Variants in NUDT3 observed in about 807,000 individuals in gnomAD.
NUDT3 encodes diphosphoinositol polyphosphate phosphohydrolase 1.
In NUDT3, 9 loss-of-function variants were observed where a neutral mutation model predicts 23.6. That is an observed-to-expected ratio of 0.38 (90% CI 0.23 to 0.66). The LOEUF is 0.66. NUDT3 is among the 30% of genes least tolerant of loss of function. NUDT3 has a pLI of 0.52. For missense variants in NUDT3, 172 were observed against 218.5 expected (o/e 0.79, Z 1.34); for synonymous variants, 86 against 82.6 (o/e 1.04, Z -0.22).
intron 1 of NUDT3, among the ~76,000 whole-genome samples, chr6:34,359,993 C>T (rs1764621691): frequency 6.6e-6 from 1 of 152,048 alleles, no homozygotes; most frequent in Non-Finnish European, 1.5e-5. Context: ...CGCTGGGAGG[C>T]TGAAGTGAGC....
chr6:34,360,237 C>CA (rs34629409), intron 1 of NUDT3, among the ~76,000 whole-genome samples: 5,849 of 49,984 alleles, frequency 0.12, 581 homozygotes, highest in African/African-American at 0.28. Flanking sequence ...GACCCTGTCT[C>CA]AAAAAAAAAA....
chr6:34,294,448 CA>C (rs1431212860), intron 3 of NUDT3, among the ~76,000 whole-genome samples: 1 of 151,870 alleles, frequency 6.6e-6, no homozygotes, highest in Non-Finnish European at 1.5e-5. Context: ...TATTTATTGC[CA>C]GGGGCGGTGG....
intron 2 of NUDT3, among the ~76,000 whole-genome samples, chr6:34,328,590 C>T (rs879508637): frequency 2.0e-5 from 3 of 152,134 alleles, no homozygotes; most frequent in Non-Finnish European, 4.4e-5. Flanking sequence ...CTGGTGCAAT[C>T]ACAGCTCACT....
chr6:34,306,341 G>T (rs1033801460), intron 2 of NUDT3, among the ~76,000 whole-genome samples: 1 of 152,220 alleles, frequency 6.6e-6, no homozygotes, highest in Non-Finnish European at 1.5e-5. Context: ...GGAATTAAGA[G>T]AAAGCTGTTA....
chr6:34,368,641 T>A (rs531430473), intron 1 of NUDT3, among the ~76,000 whole-genome samples: 1 of 152,150 alleles, frequency 6.6e-6, no homozygotes, highest in South Asian at 2.1e-4. Flanking sequence ...GCTTTTGTTT[T>A]GTGTTTTTTG....
At chr6:34,388,228 AAAAT>A (rs1765140678) in intron 1 of NUDT3, among the ~76,000 whole-genome samples, 1 of 152,168 alleles carries the variant, frequency 6.6e-6, no homozygotes, top group African/African-American at 2.4e-5. Context: ...ACACAACAAC[AAAAT>A]CACCTAATGA....
chr6:34,336,978 A>C (rs1246056312), intron 2 of NUDT3, among the ~76,000 whole-genome samples: 1 of 152,222 alleles, frequency 6.6e-6, no homozygotes, highest in Non-Finnish European at 1.5e-5. Context: ...CCCTTCAAGG[A>C]CAATAAAAAA....
At chr6:34,389,682 G>T (rs1429655689) in intron 1 of NUDT3, among the ~76,000 whole-genome samples, 1 of 151,814 alleles carries the variant, frequency 6.6e-6, no homozygotes, top group Non-Finnish European at 1.5e-5. Flanking sequence ...AATAAATAAA[G>T]GTCGGGCACA....
intron 2 of NUDT3, among the ~76,000 whole-genome samples, chr6:34,329,344 G>C (rs569184904): frequency 6.6e-6 from 1 of 152,100 alleles, no homozygotes; most frequent in Non-Finnish European, 1.5e-5. Flanking sequence ...GCAATGGCGC[G>C]ATCTCAGCTC....
chr6:34,284,757 A>G lies in NUDT3; in HGVS notation c.*3996T>C, dbSNP rs183565645. On this transcript the variant is annotated 3_prime_UTR_variant, in exon 5 of 5. Coordinates refer to ENST00000607016, the MANE Select transcript of NUDT3 (RefSeq NM_006703.4). ...CAGGAGGAGGAACAGATCTGCACAGAATTTTTTTCTTAAAAACCACAAAGG... is the reference window on the plus strand; with the variant it reads ...CAGGAGGAGGAACAGATCTGCACAGGATTTTTTTCTTAAAAACCACAAAGG... 6.6e-6 allele frequency: 1 copy of G among 152,312 alleles called. No individual in the cohort carries two copies. Among genetic ancestry groups the G allele is most frequent in the East Asian group, 1.9e-4 (1 of 5,192 alleles). 9.4% of individuals were successfully genotyped at this position (152,312 alleles called of 1,614,324 possible).
chr6:34,309,794 T>C (rs1763743539), intron 2 of NUDT3, among the ~76,000 whole-genome samples: 1 of 151,324 alleles, frequency 6.6e-6, no homozygotes, highest in Admixed American at 6.6e-5. Context: ...AAGAGGAAAA[T>C]AAAAGAAAAC....
intron 1 of NUDT3, among the ~76,000 whole-genome samples, chr6:34,348,775 CA>C (rs376596504): frequency 6.2e-5 from 9 of 145,476 alleles, no homozygotes; most frequent in East Asian, 2.0e-4. Context: ...GACTCCGTCT[CA>C]AAAAAAAAAT....
Position 34,354,422 on chromosome 6 carries a change from CACACACAT to C in NUDT3, c.100-12458_100-12451del, listed in dbSNP as rs1346278331. Among the ~76,000 whole-genome samples the C allele has an allele frequency of 8.6e-3, 1,276 of 148,306 alleles. 10 individuals are homozygous for C. The highest frequency in any genetic ancestry group is 0.026 in the African/African-American group (1,004 of 39,152). ...ACACACACACACACACACACACACA[CACACACAT>C]ACACACTCTTGGCCGGGCACAGTGG... is the stretch of plus-strand genomic sequence containing the variant. On this transcript the variant is annotated intron_variant, in intron 1 of 4. Transcript: ENST00000607016.
intron 2 of NUDT3, among the ~76,000 whole-genome samples, chr6:34,298,557 A>G (rs375548112): frequency 2.6e-5 from 4 of 152,256 alleles, no homozygotes; most frequent in Middle Eastern, 3.4e-3. Flanking sequence ...GTACACCAAC[A>G]TTTCAGTGGT....
At chr6:34,325,409 C>G (rs1468623618) in intron 2 of NUDT3, among the ~76,000 whole-genome samples, 1 of 152,066 alleles carries the variant, frequency 6.6e-6, no homozygotes, top group African/African-American at 2.4e-5. Context: ...TAAGGTCTCC[C>G]TTTGTTGCCT....
At chr6:34,290,807 A>ATTC (rs1763410648) in intron 4 of NUDT3, among the ~76,000 whole-genome samples, 1 of 149,294 alleles carries the variant, frequency 6.7e-6, no homozygotes, top group Admixed American at 6.7e-5. Flanking sequence ...TATTATTATT[A>ATTC]TTATTGAGAC....
At position 34,366,414 on chromosome 6, in the gene NUDT3, G is replaced by A. The variant is rs191150894; in HGVS notation, c.100-24442C>T. ...AAGAGAGAAAGAAAGGAAAAGGAGAGAAACAGCAAGAGAGAGAAAGAGAGA... is the reference window on the plus strand; with the variant it reads ...AAGAGAGAAAGAAAGGAAAAGGAGAAAAACAGCAAGAGAGAGAAAGAGAGA... On this transcript the variant is annotated intron_variant, in intron 1 of 4. Transcript: ENST00000607016. Among the ~76,000 whole-genome samples the A allele has an allele frequency of 6.3e-3, 883 of 140,448 alleles. 13 individuals are homozygous for A. The highest frequency in any genetic ancestry group is 0.021 in the African/African-American group (820 of 38,354). 92.1% of individuals were successfully genotyped at this position (140,448 alleles called of 152,430 possible). A position where few individuals can be genotyped will look rare whatever the true frequency, so the allele number is the denominator to read the frequency against.
chr6:34,307,198 AG>A (rs1214206175), intron 2 of NUDT3, among the ~76,000 whole-genome samples: 1 of 152,218 alleles, frequency 6.6e-6, no homozygotes, highest in African/African-American at 2.4e-5. Context: ...GCATGAGCCC[AG>A]GAGTTCAAGA....
chr6:34,347,728 C>T (rs1333211873), intron 1 of NUDT3, among the ~76,000 whole-genome samples: 1 of 151,948 alleles, frequency 6.6e-6, no homozygotes, highest in African/African-American at 2.4e-5. Flanking sequence ...ATAAAAGAAA[C>T]CCATAGTCCC....
Sources: gnomAD v4.1 joint callset for allele counts (sites outside exome capture counted in the v4.1 genomes callset) on GRCh38, gnomAD v4.1.1 for gene constraint, MANE v1.5 for transcripts, NCBI Gene and HGNC (gene_info 2026-07-23, HGNC 2026-07-21) for gene names.